Variants in RBMS3 observed in about 807,000 individuals in gnomAD.
RBMS3 encodes the protein RNA binding motif single stranded interacting protein 3, also known as RNA-binding motif, single-stranded-interacting protein 3.
A neutral mutation model predicts 66.8 loss-of-function variants in RBMS3; 27 were observed. The observed-to-expected ratio is 0.40, with a 90% CI of 0.30 to 0.56. RBMS3 has a LOEUF of 0.56. RBMS3 is among the 20% of genes least tolerant of loss of function. The pLI, the probability that RBMS3 is intolerant of heterozygous loss-of-function variation, is 0.40. For synonymous variants in RBMS3, 188 were observed against 183.0 expected, an observed-to-expected ratio of 1.03 and a Z score of -0.22; for missense variants, 513 against 549.5, an observed-to-expected ratio of 0.93 and a Z score of 0.66.
chr3:29,801,603 A>G (rs974154978), intron 6 of RBMS3, among the ~76,000 whole-genome samples: 4 of 152,136 alleles, frequency 2.6e-5, no homozygotes, highest in Non-Finnish European at 4.4e-5. Context: ...CTTGAGAAGG[A>G]AAATCCAAAT....
At chr3:29,831,341 G>A (rs35321812) in intron 6 of RBMS3, among the ~76,000 whole-genome samples, 34,000 of 151,944 alleles carry the variant, frequency 0.22, 4,585 homozygotes, top group Non-Finnish European at 0.31. Flanking sequence ...AGTTACCTTG[G>A]TCATTGTCCC....
At position 29,360,713 on chromosome 3, in the gene RBMS3, T is replaced by A. The variant is rs368149753; in HGVS notation, c.76-74030T>A. Among the ~76,000 whole-genome samples, 10 of 152,172 alleles carry A rather than the reference T, an allele frequency of 6.6e-5. No individual in the cohort carries two copies. In the East Asian group the frequency reaches 1.5e-3, roughly 23 times the overall value. On this transcript the variant is annotated intron_variant, in intron 1 of 14. Coordinates refer to ENST00000383767, the MANE Select transcript of RBMS3 (RefSeq NM_001003793.3). ...CTTTGTTGGTCTCTAAGGACTTGCT[T>A]TATGAATCTGGGTGCTCCTGTATTA...
At chr3:29,360,339 C>T (rs1201350288) in intron 1 of RBMS3, among the ~76,000 whole-genome samples, 3 of 151,782 alleles carry the variant, frequency 2.0e-5, no homozygotes, top group Non-Finnish European at 4.4e-5. Flanking sequence ...TGTTCAGTTT[C>T]CATGTAGTTG....
intron 10 of RBMS3, among the ~76,000 whole-genome samples, chr3:29,914,157 T>C (rs2149638664): frequency 6.6e-6 from 1 of 152,038 alleles, no homozygotes; most frequent in African/African-American, 2.4e-5. Context: ...TGTTGAGATT[T>C]GTGGTATTAA....
chr3:29,705,408 G>A (rs1369730304), intron 4 of RBMS3, among the ~76,000 whole-genome samples: 1 of 152,106 alleles, frequency 6.6e-6, no homozygotes, highest in East Asian at 1.9e-4. Context: ...ACATGTTATA[G>A]AAACTGATCC....
intron 4 of RBMS3, among the ~76,000 whole-genome samples, chr3:29,690,486 T>G (rs74564899): frequency 0.021 from 3,180 of 152,322 alleles, 110 homozygotes; most frequent in African/African-American, 0.071. Flanking sequence ...TATAACTGAT[T>G]CAAATTGTTC....
chr3:29,446,567 G>T (rs2041840021), intron 2 of RBMS3, among the ~76,000 whole-genome samples: 1 of 152,120 alleles, frequency 6.6e-6, no homozygotes, highest in South Asian at 2.1e-4. Flanking sequence ...AATTTAGGTT[G>T]CAGTTAAAAG....
intron 3 of RBMS3, among the ~76,000 whole-genome samples, chr3:29,559,621 C>T (rs1246270696): frequency 8.0e-6 from 1 of 125,344 alleles, no homozygotes; most frequent in African/African-American, 2.9e-5. Flanking sequence ...CTTGTTTATT[C>T]TTGCTTGTTC....
intron 6 of RBMS3, among the ~76,000 whole-genome samples, chr3:29,868,327 G>A (rs1387279811): frequency 1.3e-5 from 2 of 152,130 alleles, no homozygotes; most frequent in Non-Finnish European, 2.9e-5. Context: ...CTGGAAAATT[G>A]GAGTGAAGAG....
At chr3:29,593,257 A>C (rs1372593775) in intron 4 of RBMS3, among the ~76,000 whole-genome samples, 1 of 152,064 alleles carries the variant, frequency 6.6e-6, no homozygotes, top group African/African-American at 2.4e-5. Context: ...TACCAAAGCT[A>C]CTCTTCTGAA....
At chr3:29,679,401 G>C (rs2051391402) in intron 4 of RBMS3, among the ~76,000 whole-genome samples, 3 of 151,988 alleles carry the variant, frequency 2.0e-5, no homozygotes, top group African/African-American at 7.2e-5. Context: ...CCATACAATA[G>C]ATTGCCAAGA....
In RBMS3 at chr3:29,739,916, T is replaced by C. The variant is rs768981026; in HGVS notation, c.557+39T>C. 7.8e-6 allele frequency: 11 copies of C among 1,417,878 alleles called. No homozygotes were observed. The East Asian group carries it at 2.0e-4, about 26-fold the overall frequency. 87.8% of individuals were successfully genotyped at this position (1,417,878 alleles called of 1,614,324 possible). On this transcript the variant is annotated intron_variant, in intron 5 of 14. Transcript: ENST00000383767. ...TTTGTATGTAATCGTTCTTTCCTCA[T>C]TGTTCCTTTTAAATTCCATTCCTTT...
chr3:29,526,212 C>T (rs2045089709), intron 3 of RBMS3: 1 of 152,016 alleles, frequency 6.6e-6, no homozygotes, highest in Non-Finnish European at 1.5e-5. Flanking sequence ...TCTTGTTTCA[C>T]GAGCAAGGTA....
chr3:29,861,881 C>A (rs1400215197), intron 6 of RBMS3, among the ~76,000 whole-genome samples: 1 of 152,138 alleles, frequency 6.6e-6, no homozygotes, highest in Admixed American at 6.5e-5. Flanking sequence ...TTTAAATACT[C>A]CCCATTTGCA....
intron 4 of RBMS3, among the ~76,000 whole-genome samples, chr3:29,668,745 G>T (rs1291823087): frequency 6.6e-6 from 1 of 152,216 alleles, no homozygotes; most frequent in Non-Finnish European, 1.5e-5. Context: ...CAGAATCACA[G>T]AATTTAAGAG....
intron 3 of RBMS3, among the ~76,000 whole-genome samples, chr3:29,567,170 C>T (rs2046773812): frequency 6.6e-6 from 1 of 151,994 alleles, no homozygotes; most frequent in South Asian, 2.1e-4. Flanking sequence ...TACTTTTCTC[C>T]CCCCACAGCA....
intron 4 of RBMS3, among the ~76,000 whole-genome samples, chr3:29,606,757 C>A (rs138586364): frequency 6.6e-6 from 1 of 152,032 alleles, no homozygotes; most frequent in East Asian, 1.9e-4. Flanking sequence ...TTTATTCATT[C>A]TTTTATCTTC....
At position 29,523,118 on chromosome 3, in the gene RBMS3, T is replaced by C. The variant is rs139485202; in HGVS notation, c.307+34619T>C. ...AAGCACAGTAACATTTTCTTCAATA[T>C]CACACAGTTAGTAGCAAAACCTGAA... On this transcript the variant is annotated intron_variant, in intron 3 of 14. Transcript: ENST00000383767. 1.2e-3 allele frequency among the ~76,000 whole-genome samples: 188 copies of C among 152,300 alleles called. 1 individual carries two copies. The highest frequency in any genetic ancestry group is 4.3e-3 in the African/African-American group (178 of 41,554).
intron 3 of RBMS3, among the ~76,000 whole-genome samples, chr3:29,553,962 A>T (rs2149036125): frequency 6.6e-6 from 1 of 152,284 alleles, no homozygotes. Flanking sequence ...TAATTACTGT[A>T]ACCTTCTTCC....
Sources: gnomAD v4.1 joint callset for allele counts (sites outside exome capture counted in the v4.1 genomes callset) on GRCh38, gnomAD v4.1.1 for gene constraint, MANE v1.5 for transcripts, NCBI Gene and HGNC (gene_info 2026-07-23, HGNC 2026-07-21) for gene names.